LRRC7: variants seen among roughly 807,000 people sequenced by gnomAD.
The protein encoded by LRRC7 is leucine rich repeat containing 7.
In LRRC7, 23 loss-of-function variants were observed where a neutral mutation model predicts 175.7. The observed-to-expected ratio is 0.13, with a 90% confidence interval of 0.09 to 0.19. The LOEUF (loss-of-function observed/expected upper bound fraction) is 0.19. Ranked by LOEUF, LRRC7 falls within the 10% of genes least tolerant of loss-of-function variation. LRRC7 has a pLI of 1.00. For missense variants in LRRC7, 1,354 were observed against 1,904.7 expected, an observed-to-expected ratio of 0.71 and a Z score of 5.38; for synonymous variants, 685 against 680.9, an observed-to-expected ratio of 1.01 and a Z score of -0.09.
At chr1:69,736,642 G>A (rs1488995976) in intron 2 of LRRC7, among the ~76,000 whole-genome samples, 3 of 152,038 alleles carry the variant, frequency 2.0e-5, no homozygotes, top group African/African-American at 7.2e-5. Flanking sequence ...TGTGTGTGGT[G>A]AATAAATACA....
chr1:70,050,222 C>A (rs761450481), intron 22 of LRRC7, among the ~76,000 whole-genome samples: 8 of 152,012 alleles, frequency 5.3e-5, no homozygotes, highest in African/African-American at 1.4e-4. Flanking sequence ...TATGTCTCAG[C>A]AAAATTAGAA....
rs59212223 is a variant in LRRC7, at chr1:69,600,800, C to CTTTTTTTTTTTTTT, written c.2+32174_2+32187dup. 8.8e-4 allele frequency among the ~76,000 whole-genome samples: 57 copies of CTTTTTTTTTTTTTT among 64,898 alleles called. 20 individuals carry two copies. The highest frequency in any genetic ancestry group is 5.3e-3 in the East Asian group (10 of 1,874). The allele number at this position is 64,898 out of a possible 152,430, so 42.6% of individuals were successfully genotyped here. On this transcript the variant is annotated intron_variant, in intron 1 of 26. Transcript: ENST00000651989. ...CCATTTCTCCAAGGATCTCTGGTTTCTTTTTTTTTTTTTTTTTTTTTTTTT... is the reference window on the plus strand; with the variant it reads ...CCATTTCTCCAAGGATCTCTGGTTTCTTTTTTTTTTTTTTTTTTTTTTTTTTTTTTTTTTTTTTT...
intron 2 of LRRC7, among the ~76,000 whole-genome samples, chr1:69,732,421 C>T (rs1667677919): frequency 6.6e-6 from 1 of 151,954 alleles, no homozygotes; most frequent in Admixed American, 6.6e-5. Context: ...ATTCCAAAAG[C>T]TCTGGTCAGG....
intron 1 of LRRC7, among the ~76,000 whole-genome samples, chr1:69,618,375 A>G (rs1650018427): frequency 2.0e-5 from 3 of 152,194 alleles, no homozygotes; most frequent in South Asian, 2.1e-4. Context: ...CTTTTGATCT[A>G]TTTTATTTCA....
At chr1:69,701,565 A>G (rs1341460557) in intron 2 of LRRC7, among the ~76,000 whole-genome samples, 2 of 152,242 alleles carry the variant, frequency 1.3e-5, no homozygotes, top group Non-Finnish European at 2.9e-5. Flanking sequence ...AAGTCATTAT[A>G]ATGATAGCAT....
intron 8 of LRRC7, among the ~76,000 whole-genome samples, chr1:69,958,355 T>A (rs1650710987): frequency 6.6e-6 from 1 of 151,982 alleles, no homozygotes; most frequent in African/African-American, 2.4e-5. Context: ...CAAGAGCAAT[T>A]TTCAGTGCCC....
At chr1:69,953,984 C>G (rs1479303102) in intron 8 of LRRC7, among the ~76,000 whole-genome samples, 1 of 152,030 alleles carries the variant, frequency 6.6e-6, no homozygotes, top group Admixed American at 6.6e-5. Context: ...TTTTCTCTCT[C>G]TCTTAAACTA....
intron 11 of LRRC7, among the ~76,000 whole-genome samples, chr1:69,996,227 T>C (rs1164834445): frequency 6.6e-6 from 1 of 152,126 alleles, no homozygotes. Flanking sequence ...GTTCATGTCC[T>C]TCGCCCACTT....
intron 16 of LRRC7, chr1:70,022,542 T>C (rs1358807077): frequency 1.3e-5 from 2 of 152,164 alleles, no homozygotes; most frequent in Non-Finnish European, 2.9e-5. Flanking sequence ...ATAATCAGAG[T>C]AGGTTCATTA....
rs145792323 is a variant in LRRC7, at chr1:70,081,113, A to G, written c.4452+4815A>G. Reference sequence around the variant, plus strand: ...TTAATAGGCTGCATGTGACCTGGGCAATGAGACTTTTGAAAACTCCCCAAG... The same window carrying G: ...TTAATAGGCTGCATGTGACCTGGGCGATGAGACTTTTGAAAACTCCCCAAG... On this transcript the variant is annotated intron_variant, in intron 24 of 26. Transcript: ENST00000651989. Among the ~76,000 whole-genome samples, 415 of 152,310 alleles carry G rather than the reference A, an allele frequency of 2.7e-3. 3 individuals carry two copies. The highest frequency in any genetic ancestry group is 9.4e-3 in the African/African-American group (391 of 41,560).
chr1:69,647,609 G>A (rs930146661), intron 1 of LRRC7, among the ~76,000 whole-genome samples: 1 of 150,806 alleles, frequency 6.6e-6, no homozygotes, highest in Non-Finnish European at 1.5e-5. Flanking sequence ...TTTTTCTAAA[G>A]CCTATAGGCC....
chr1:70,036,690 ATCT>A, intron 20 of LRRC7, 66 bp downstream of exon 20: 1 of 1,493,814 alleles, frequency 6.7e-7, no homozygotes, highest in South Asian at 1.3e-5. Context: ...AAAAAATGGA[ATCT>A]TCTTAATTTT....
At position 70,122,063 on chromosome 1, in the gene LRRC7, T is replaced by C; in HGVS notation, c.*176T>C. ...AAAAATGTTAACTCTATAAATATGA[T>C]GTTCATGTGGTTATGTATTAGTTTT... On this transcript the variant is annotated 3_prime_UTR_variant, in exon 27 of 27. Transcript: ENST00000651989. 1 of 486,080 alleles carries C rather than the reference T, an allele frequency of 2.1e-6. No homozygotes were observed. Among genetic ancestry groups the C allele is most frequent in the Non-Finnish European group, 3.6e-6 (1 of 275,516 alleles). 30.1% of individuals were successfully genotyped at this position (486,080 alleles called of 1,614,324 possible).
chr1:69,693,531 C>A (rs1000082416), intron 2 of LRRC7, among the ~76,000 whole-genome samples: 4 of 152,146 alleles, frequency 2.6e-5, no homozygotes, highest in Non-Finnish European at 5.9e-5. Flanking sequence ...GAAATACTTT[C>A]TATAGAAAGG....
chr1:69,855,487 G>A (rs935530130), intron 7 of LRRC7, among the ~76,000 whole-genome samples: 6 of 152,162 alleles, frequency 3.9e-5, no homozygotes, highest in African/African-American at 7.2e-5. Flanking sequence ...TGTGGTTTGA[G>A]GGACAGTTTG....
At chr1:69,870,149 A>T (rs1217029468) in intron 7 of LRRC7, among the ~76,000 whole-genome samples, 7 of 152,124 alleles carry the variant, frequency 4.6e-5, no homozygotes, top group Admixed American at 2.6e-4. Flanking sequence ...AGTAAGATAG[A>T]CTGCCCTTTT....
chr1:69,680,926 G>C (rs1660405067), intron 2 of LRRC7, among the ~76,000 whole-genome samples: 1 of 151,946 alleles, frequency 6.6e-6, no homozygotes, highest in South Asian at 2.1e-4. Flanking sequence ...AGGATGTAGC[G>C]AGTTTTCTTT....
intron 3 of LRRC7, among the ~76,000 whole-genome samples, chr1:69,781,859 G>A (rs61563442): frequency 2.4e-5 from 2 of 84,694 alleles, no homozygotes; most frequent in African/African-American, 1.1e-4. Flanking sequence ...GAGAAAGAAA[G>A]AGAAGGAAGG....
intron 8 of LRRC7, among the ~76,000 whole-genome samples, chr1:69,973,105 T>C (rs1261632593): frequency 6.7e-6 from 1 of 148,658 alleles, no homozygotes; most frequent in African/African-American, 2.5e-5. Flanking sequence ...TACTCAGCCA[T>C]AAAAAGGAAT....
Sources: gnomAD v4.1 joint callset for allele counts (sites outside exome capture counted in the v4.1 genomes callset) on GRCh38, gnomAD v4.1.1 for gene constraint, MANE v1.5 for transcripts, NCBI Gene and HGNC (gene_info 2026-07-23, HGNC 2026-07-21) for gene names.